AFF3: variants seen among roughly 807,000 people sequenced by gnomAD.
AFF3 encodes AF4/FMR2 family member 3.
A neutral mutation model predicts 129.7 loss-of-function variants in AFF3; 32 were observed. The observed-to-expected ratio is 0.25, with a 90% confidence interval of 0.19 to 0.33. AFF3 has a LOEUF of 0.33. Ranked by LOEUF, AFF3 falls within the 10% of genes least tolerant of loss-of-function variation. The probability of loss-of-function intolerance (pLI) is 1.00; values close to 1 mark genes in which losing one functional copy is unlikely to be tolerated. For missense variants in AFF3, 1,373 were observed against 1,592.0 expected, an observed-to-expected ratio of 0.86 and a Z score of 2.34; for synonymous variants, 644 against 635.4, an observed-to-expected ratio of 1.01 and a Z score of -0.20.
chr2:99,912,452 A>AATTT (rs1265662708), intron 7 of AFF3, among the ~76,000 whole-genome samples: 1 of 152,200 alleles, frequency 6.6e-6, no homozygotes, highest in African/African-American at 2.4e-5. Context: ...ACTATGCTGT[A>AATTT]TGTCCCCATT....
At chr2:99,867,748 C>A (rs1691537108) in intron 7 of AFF3, among the ~76,000 whole-genome samples, 1 of 152,112 alleles carries the variant, frequency 6.6e-6, no homozygotes, top group Non-Finnish European at 1.5e-5. Flanking sequence ...AGTGGAGGGG[C>A]TCACCATCTC....
At chr2:99,910,446 A>C (rs965609061) in intron 7 of AFF3, among the ~76,000 whole-genome samples, 3 of 152,248 alleles carry the variant, frequency 2.0e-5, no homozygotes, top group Admixed American at 1.3e-4. Flanking sequence ...TTCTTCCTCC[A>C]CTGCTACTGT....
intron 7 of AFF3, among the ~76,000 whole-genome samples, chr2:99,999,500 A>T (rs970222581): frequency 2.0e-5 from 3 of 152,198 alleles, no homozygotes; most frequent in African/African-American, 7.2e-5. Flanking sequence ...AAATAAACAA[A>T]AATCCCTGGT....
intron 11 of AFF3, among the ~76,000 whole-genome samples, chr2:99,690,272 C>T (rs1159554307): frequency 6.7e-6 from 1 of 149,950 alleles, no homozygotes; most frequent in Non-Finnish European, 1.5e-5. Context: ...GCTCCGCCTC[C>T]CGGGTTCACG....
chr2:99,671,002 G>A (rs993255544), intron 12 of AFF3, among the ~76,000 whole-genome samples: 1 of 152,184 alleles, frequency 6.6e-6, no homozygotes, highest in African/African-American at 2.4e-5. Context: ...TACGTCATTA[G>A]TAATGTTTAT....
chr2:100,006,992 C>A lies in AFF3; in HGVS notation c.513G>T (p.Leu171Phe), dbSNP rs1218268480. ...GCTGTCTGCCAACACCATCTCCAAGCAAGGTCCTGAGAGAGCCCTGTTGTG... is the reference window on the plus strand; with the variant it reads ...GCTGTCTGCCAACACCATCTCCAAGAAAGGTCCTGAGAGAGCCCTGTTGTG... Reference protein sequence around the residue: ...RATQQGSLRTLLGDGVGRQQP... With the variant: ...RATQQGSLRTFLGDGVGRQQP... Residue 171 changes from leucine (L) to phenylalanine (F), a missense_variant, in exon 7 of 25, where the codon TTG becomes TTT. Coordinates refer to ENST00000672756, the MANE Select transcript of AFF3 (RefSeq NM_001386135.1). 3.1e-6 allele frequency: 5 copies of A among 1,611,878 alleles called. No homozygotes were observed. In the East Asian group the frequency reaches 8.9e-5, roughly 29 times the overall value.
At chr2:99,819,974 A>G (rs1687526616) in intron 8 of AFF3, among the ~76,000 whole-genome samples, 1 of 152,226 alleles carries the variant, frequency 6.6e-6, no homozygotes, top group Admixed American at 6.5e-5. Context: ...ATAGAGCTCC[A>G]TGGAAGGCAG....
intron 7 of AFF3, among the ~76,000 whole-genome samples, chr2:99,946,101 G>A (rs181149862): frequency 3.9e-5 from 6 of 152,206 alleles, no homozygotes; most frequent in Admixed American, 3.9e-4. Context: ...GTCCTCCCCT[G>A]GGTTCTACCA....
intron 13 of AFF3, among the ~76,000 whole-genome samples, chr2:99,618,099 T>C (rs1256168189): frequency 6.6e-6 from 1 of 152,302 alleles, no homozygotes; most frequent in South Asian, 2.1e-4. Context: ...GCTGGCTATA[T>C]GACCTTTGGG....
intron 7 of AFF3, among the ~76,000 whole-genome samples, chr2:99,923,796 T>C (rs1315814989): frequency 1.3e-5 from 2 of 152,178 alleles, no homozygotes; most frequent in South Asian, 2.1e-4. Flanking sequence ...TACCGCAATA[T>C]GTGTGCTCCA....
At chr2:100,029,965 G>A (rs150447346) in intron 4 of AFF3, among the ~76,000 whole-genome samples, 2 of 151,892 alleles carry the variant, frequency 1.3e-5, no homozygotes, top group Non-Finnish European at 2.9e-5. Context: ...TACTCAGTAG[G>A]CTGAGGTGGG....
intron 10 of AFF3, among the ~76,000 whole-genome samples, chr2:99,733,577 A>G (rs1271154548): frequency 6.6e-6 from 1 of 152,148 alleles, no homozygotes; most frequent in Non-Finnish European, 1.5e-5. Context: ...CTGTCTTCTA[A>G]AAGTATATAC....
rs757304430 is a variant in AFF3 at position 99,593,963 on chromosome 2, T to C, written c.1698A>G (p.Ala566=). Residue 566 remains alanine, a synonymous_variant, in exon 15 of 25, where the codon GCA becomes GCG. Transcript: ENST00000672756. The part of the protein sequence containing the change: ...VAVSAAAPPP[A]VPCAPAENAP... ...CGTTCTCCGCGGGCGCACAGGGCAC[T>C]GCGGGTGGCGGGGCGGCTGCGCTCA... The C allele has an allele frequency of 6.7e-7, 1 of 1,486,586 alleles. No individual in the cohort carries two copies. Among genetic ancestry groups the C allele is most frequent in the Non-Finnish European group, 8.9e-7 (1 of 1,119,484 alleles). 92.1% of individuals were successfully genotyped at this position (1,486,586 alleles called of 1,614,324 possible).
At chr2:99,640,593 T>C (rs1322432705) in intron 13 of AFF3, among the ~76,000 whole-genome samples, 1 of 150,710 alleles carries the variant, frequency 6.6e-6, no homozygotes, top group African/African-American at 2.4e-5. Flanking sequence ...GAGGAGAGAG[T>C]AGGGAAAGCT....
intron 4 of AFF3, among the ~76,000 whole-genome samples, chr2:100,068,683 C>T (rs941217200): frequency 6.6e-6 from 1 of 152,182 alleles, no homozygotes; most frequent in South Asian, 2.1e-4. Flanking sequence ...TAGCAAGGAA[C>T]ACTCAGAGGC....
chr2:99,970,637 G>A (rs1678268127), intron 7 of AFF3, among the ~76,000 whole-genome samples: 2 of 152,058 alleles, frequency 1.3e-5, no homozygotes, highest in Non-Finnish European at 2.9e-5. Context: ...CACTCCTTCC[G>A]GACATGCTCC....
intron 13 of AFF3, among the ~76,000 whole-genome samples, chr2:99,620,030 G>A (rs1681834949): frequency 6.6e-6 from 1 of 152,190 alleles, no homozygotes; most frequent in African/African-American, 2.4e-5. Context: ...TGCTGAGCAG[G>A]CAATCAATGG....
At chr2:99,860,941 G>C (rs1345052321) in intron 7 of AFF3, among the ~76,000 whole-genome samples, 1 of 152,138 alleles carries the variant, frequency 6.6e-6, no homozygotes, top group Non-Finnish European at 1.5e-5. Context: ...CAAGTAAGCA[G>C]TGCAGCATTA....
intron 7 of AFF3, among the ~76,000 whole-genome samples, chr2:99,931,778 G>A (rs529414887): frequency 1.3e-4 from 20 of 152,200 alleles, no homozygotes; most frequent in African/African-American, 2.6e-4. Context: ...GCATGGTGGC[G>A]GGTTCCTGTA....
Sources: gnomAD v4.1 joint callset for allele counts (sites outside exome capture counted in the v4.1 genomes callset) on GRCh38, gnomAD v4.1.1 for gene constraint, MANE v1.5 for transcripts, NCBI Gene and HGNC (gene_info 2026-07-23, HGNC 2026-07-21) for gene names.